The following MED29 variants were observed in gnomAD, a reference collection of about 807,000 sequenced individuals.
MED29 encodes mediator complex subunit 29, also known as mediator of RNA polymerase II transcription subunit 29.
In MED29, 14 loss-of-function variants were observed where a neutral mutation model predicts 22.0. That is an observed-to-expected ratio of 0.64 (90% CI 0.42 to 0.99). MED29 has a LOEUF of 0.99. Ranked by LOEUF, MED29 falls within the 50% of genes least tolerant of loss-of-function variation. The probability of loss-of-function intolerance (pLI) is 0.00; values close to 1 mark genes in which losing one functional copy is unlikely to be tolerated. For missense variants in MED29, 241 were observed against 253.7 expected (o/e 0.95, Z 0.34); for synonymous variants, 123 against 107.8 (o/e 1.14, Z -0.87).
At chr19:39,393,157 G>A (rs796875122) in intron 2 of MED29, among the ~76,000 whole-genome samples, 18 of 119,790 alleles carry the variant, frequency 1.5e-4, no homozygotes, top group African/African-American at 5.0e-4. Flanking sequence ...GTGCAGTGGT[G>A]TAGTCTCAGC....
rs1179160898 is a variant in MED29, at chr19:39,397,709, CAG to C, written c.*11_*12del. 2 of 1,604,056 alleles carry C rather than the reference CAG, an allele frequency of 1.2e-6. No individual in the cohort carries two copies. The highest frequency in any genetic ancestry group is 1.7e-6 in the Non-Finnish European group (2 of 1,178,260). The stretch of plus-strand genomic sequence containing the variant: ...TGGGGGCACTCTGTGAAGTGGGGGA[CAG>C]GGAGTGGGGCAGGCAGTGGTTGGTG... On this transcript the variant is annotated 3_prime_UTR_variant, in exon 4 of 4. Coordinates refer to ENST00000315588, the MANE Select transcript of MED29 (RefSeq NM_017592.4).
chr19:39,392,773 G>A, intron 2 of MED29: 1 of 476,862 alleles, frequency 2.1e-6, no homozygotes, highest in East Asian at 3.4e-5. Flanking sequence ...CTACAGACAT[G>A]GCTACAGACT....
rs897137377 is a variant in MED29 at position 39,398,191 on chromosome 19, C to T, written c.*492C>T. ...CTCTCTCTTAGTCCCCTTTAGCTGT[C>T]TTCTATCCCCAGCTCCTAACTGGGA... is the stretch of plus-strand genomic sequence containing the variant. On this transcript the variant is annotated 3_prime_UTR_variant, in exon 4 of 4. Coordinates refer to ENST00000315588, the MANE Select transcript of MED29 (RefSeq NM_017592.4). 5.5e-6 allele frequency: 1 copy of T among 183,240 alleles called. No homozygotes were observed. Among genetic ancestry groups the T allele is most frequent in the Non-Finnish European group, 1.1e-5 (1 of 88,310 alleles). 11.4% of individuals were successfully genotyped at this position (183,240 alleles called of 1,614,324 possible). A position where few individuals can be genotyped will look rare whatever the true frequency, so the allele number is the denominator to read the frequency against.
In MED29 at chr19:39,400,387, A is replaced by G. The variant is rs2145958543; in HGVS notation, c.*2688A>G. ...GGAGACCCTGTTTTTTTAAAAAAAG[A>G]AGTGGAGGTGTTTACACCAGCAAAA... On this transcript the variant is annotated 3_prime_UTR_variant, in exon 4 of 4. Transcript: ENST00000315588. 6.6e-6 allele frequency: 1 copy of G among 152,074 alleles called. No individual in the cohort carries two copies. Among genetic ancestry groups the G allele is most frequent in the Non-Finnish European group, 1.5e-5 (1 of 68,008 alleles). 9.4% of individuals were successfully genotyped at this position (152,074 alleles called of 1,614,324 possible).
At position 39,397,767 on chromosome 19, in the gene MED29, T is replaced by C; in HGVS notation, c.*68T>C. 2 of 1,559,954 alleles carry C rather than the reference T, an allele frequency of 1.3e-6. No individual in the cohort carries two copies. The highest frequency in any genetic ancestry group is 1.7e-6 in the Non-Finnish European group (2 of 1,155,820). On this transcript the variant is annotated 3_prime_UTR_variant, in exon 4 of 4. Transcript: ENST00000315588. ...TGTGCAAAGGGAATGAAGAGCGTCC[T>C]GGGCCTAAACACAGCAGCCTCCTCT...
At chr19:39,393,021 A>G (rs1180075157) in intron 2 of MED29, among the ~76,000 whole-genome samples, 1 of 143,832 alleles carries the variant, frequency 7.0e-6, no homozygotes, top group Non-Finnish European at 1.5e-5. Context: ...AAGTGCTGGG[A>G]TGACAGGCAT....
chr19:39,397,399 G>A (rs985731867), intron 3 of MED29, 58 bp from the exon 4 acceptor site: 1 of 1,559,716 alleles, frequency 6.4e-7, no homozygotes, highest in African/African-American at 1.3e-5. Flanking sequence ...GGCCCTTGGG[G>A]TGGGGTAGAA....
chr19:39,393,724 C>G lies in MED29; in HGVS notation c.360+87C>G. 3 of 1,114,560 alleles carry G rather than the reference C, an allele frequency of 2.7e-6. No individual in the cohort carries two copies. In the South Asian group the frequency reaches 3.7e-5, roughly 14 times the overall value. The allele number at this position is 1,114,560 out of a possible 1,614,324, so 69.0% of individuals were successfully genotyped here. ...AACAGTCAGTCAGTCAACTCACACT[C>G]AACTGGGGACCTCCTGTGGGCCAGA... On this transcript the variant is annotated intron_variant, in intron 3 of 3. Coordinates refer to ENST00000315588, the MANE Select transcript of MED29 (RefSeq NM_017592.4).
chr19:39,396,607 T>C (rs2078429798), intron 3 of MED29, among the ~76,000 whole-genome samples: 1 of 151,706 alleles, frequency 6.6e-6, no homozygotes, highest in Admixed American at 6.6e-5. Context: ...GCACCTGAAG[T>C]GCCAGCTCCT....
At chr19:39,392,395 T>G (rs2078391747) in intron 1 of MED29, 69 bp from the exon 2 acceptor site, 2 of 1,338,594 alleles carry the variant, frequency 1.5e-6, no homozygotes, top group Admixed American at 3.4e-5. Flanking sequence ...CAAGAAAGAG[T>G]GTAGATCTGC....
Position 39,393,600 on chromosome 19 carries a change from A to C in MED29, c.323A>C (p.Glu108Ala). 6.2e-7 allele frequency: 1 copy of C among 1,614,152 alleles called. No homozygotes were observed. The highest frequency in any genetic ancestry group is 8.5e-7 in the Non-Finnish European group (1 of 1,180,010). Residue 108 changes from glutamate to alanine, a missense_variant, in exon 3 of 4, where the codon GAG (glutamate) becomes GCG (alanine). Transcript: ENST00000315588. ...PIQRFDKCLEEFYALCDQLEL... is the reference protein window; with the variant it reads ...PIQRFDKCLEAFYALCDQLEL... ...CAGCGCTTTGACAAGTGCCTGGAAG[A>C]GTTCTATGCACTCTGTGACCAGCTG...
chr19:39,397,710 A>G lies in MED29; in HGVS notation c.*11A>G, dbSNP rs1024821214. ...GGGGGCACTCTGTGAAGTGGGGGACAGGGAGTGGGGCAGGCAGTGGTTGGT... is the reference window on the plus strand; with the variant it reads ...GGGGGCACTCTGTGAAGTGGGGGACGGGGAGTGGGGCAGGCAGTGGTTGGT... On this transcript the variant is annotated 3_prime_UTR_variant, in exon 4 of 4. Coordinates refer to ENST00000315588, the MANE Select transcript of MED29 (RefSeq NM_017592.4). The G allele has an allele frequency of 1.9e-6, 3 of 1,603,780 alleles. No individual in the cohort carries two copies. Among genetic ancestry groups the G allele is most frequent in the African/African-American group, 2.7e-5 (2 of 74,916 alleles).
chr19:39,399,753 G>A lies in MED29; in HGVS notation c.*2054G>A, dbSNP rs530143528. ...GGTCCATGAGCGCACACACAAGACTGAGGGACTGTCGGCCCTCCCAGGTGG... is the reference window on the plus strand; with the variant it reads ...GGTCCATGAGCGCACACACAAGACTAAGGGACTGTCGGCCCTCCCAGGTGG... On this transcript the variant is annotated 3_prime_UTR_variant, in exon 4 of 4. Coordinates refer to ENST00000315588, the MANE Select transcript of MED29 (RefSeq NM_017592.4). 1 of 152,376 alleles carries A rather than the reference G, an allele frequency of 6.6e-6. No homozygotes were observed. Among genetic ancestry groups the A allele is most frequent in the East Asian group, 1.9e-4 (1 of 5,176 alleles). 9.4% of individuals were successfully genotyped at this position (152,376 alleles called of 1,614,324 possible). A position where few individuals can be genotyped will look rare whatever the true frequency, so the allele number is the denominator to read the frequency against.
chr19:39,393,574 A>G lies in MED29; in HGVS notation c.297A>G (p.Ile99Met). The G allele has an allele frequency of 1.9e-6, 3 of 1,614,134 alleles. No individual in the cohort carries two copies. The change falls in exon 3 of 4, where the codon ATA becomes ATG. Residue 99 changes from isoleucine to methionine, a missense_variant. Coordinates refer to ENST00000315588, the MANE Select transcript of MED29 (RefSeq NM_017592.4). ...DNGQKSSDGP[I>M]QRFDKCLEEF... is the part of the protein sequence containing the mutation. ...GTAGAAAGAGCAGTGATGGACCCAT[A>G]CAGCGCTTTGACAAGTGCCTGGAAG...
intron 3 of MED29, among the ~76,000 whole-genome samples, chr19:39,396,442 A>T (rs997208699): frequency 6.6e-6 from 1 of 151,524 alleles, no homozygotes; most frequent in Non-Finnish European, 1.5e-5. Context: ...CCAAAAAAAA[A>T]GGGGCCGGGC....
At chr19:39,393,076 CTTTTCTTTTTTTTTTTTTTTTT>C (rs1182594471) in intron 2 of MED29, among the ~76,000 whole-genome samples, 2 of 55,298 alleles carry the variant, frequency 3.6e-5, no homozygotes, top group African/African-American at 1.5e-4. Flanking sequence ...TTCTTTCTTT[CTTTTCTTTTTTTTTTTTTTTTT>C]TTTTTTTTTT....
intron 1 of MED29, among the ~76,000 whole-genome samples, chr19:39,392,025 A>C (rs1020920269): frequency 2.0e-5 from 3 of 152,176 alleles, no homozygotes; most frequent in African/African-American, 7.2e-5. Context: ...ACTCCGTCAA[A>C]AAAATAAATA....
chr19:39,392,560 T>C lies in MED29; in HGVS notation c.275+38T>C, dbSNP rs759638994. 31 of 1,568,156 alleles carry C rather than the reference T, an allele frequency of 2.0e-5. No individual in the cohort carries two copies. The Admixed American group carries it at 2.0e-4, about 10-fold the overall frequency. The stretch of plus-strand genomic sequence containing the variant: ...CCCTTTACCAGGATATTCTATTGCC[T>C]TCCCAGTCTTTGAAATTCATCTTTC... On this transcript the variant is annotated intron_variant, in intron 2 of 3. Transcript: ENST00000315588.
rs757264020 is a variant in MED29 at position 39,391,406 on chromosome 19, C to T, written c.-17C>T. 3.0e-5 allele frequency: 49 copies of T among 1,607,642 alleles called. No homozygotes were observed. The highest frequency in any genetic ancestry group is 8.4e-5 in the Admixed American group (5 of 59,698). On this transcript the variant is annotated 5_prime_UTR_variant, in exon 1 of 4. Coordinates refer to ENST00000315588, the MANE Select transcript of MED29 (RefSeq NM_017592.4). Reference sequence around the variant, plus strand: ...AGACGCAGTCGTAACGCACTTCCGGCGGTCTACGCGAGGAAGATGGCTGCA... The same window carrying T: ...AGACGCAGTCGTAACGCACTTCCGGTGGTCTACGCGAGGAAGATGGCTGCA...
Sources: gnomAD v4.1 joint callset for allele counts (sites outside exome capture counted in the v4.1 genomes callset) on GRCh38, gnomAD v4.1.1 for gene constraint, MANE v1.5 for transcripts, NCBI Gene and HGNC (gene_info 2026-07-23, HGNC 2026-07-21) for gene names.